STARD7: variants seen among roughly 807,000 people sequenced by gnomAD.
STARD7 encodes StAR related lipid transfer domain containing 7.
STARD7 carries 30 observed loss-of-function variants against 45.3 expected under a neutral mutation model. The observed-to-expected ratio is 0.66, with a 90% CI of 0.50 to 0.90. The LOEUF is 0.90. Ranked by LOEUF, STARD7 falls within the 40% of genes least tolerant of loss-of-function variation. STARD7 has a pLI of 0.00. For missense variants in STARD7, 495 were observed against 491.3 expected, an observed-to-expected ratio of 1.01 and a Z score of -0.07; for synonymous variants, 199 against 183.0, an observed-to-expected ratio of 1.09 and a Z score of -0.70.
At chr2:96,197,070 A>C (rs183533151) in intron 1 of STARD7, among the ~76,000 whole-genome samples, 1,917 of 95,654 alleles carry the variant, frequency 0.02, 84 homozygotes, top group East Asian at 0.13. Context: ...CCGTCTCAAA[A>C]TAAAATAAAA....
At chr2:96,192,579 C>A (rs1683141620) in intron 5 of STARD7, 111 bp from the exon 6 acceptor site, 1 of 798,226 alleles carries the variant, frequency 1.3e-6, no homozygotes. Flanking sequence ...TTTTTAAATA[C>A]ACAAAACAAA....
intron 1 of STARD7, among the ~76,000 whole-genome samples, chr2:96,202,768 CATA>C (rs1225157305): frequency 1.3e-5 from 2 of 152,204 alleles, no homozygotes; most frequent in Non-Finnish European, 2.9e-5. Flanking sequence ...ATTCTTGCCA[CATA>C]ATAAAGGGGA....
intron 2 of STARD7, 113 bp downstream of exon 2, chr2:96,195,228 A>T: frequency 9.6e-7 from 1 of 1,038,336 alleles, no homozygotes; most frequent in Non-Finnish European, 1.4e-6. Context: ...TAAACAAAAA[A>T]CTACGGCAAA....
In STARD7 at chr2:96,208,169, C is replaced by G; in HGVS notation, c.266G>C (p.Arg89Thr). Reference protein sequence around the residue: ...LAGVFVWDEERIQEEELQRSI... With the variant: ...LAGVFVWDEETIQEEELQRSI... ...CCTCTGCAACTCCTCCTCCTGGATC[C>G]TCTCCTCGTCCCAAACGAAGACGCC... is the stretch of plus-strand genomic sequence containing the variant. Residue 89 changes from arginine (R) to threonine (T), a missense_variant, in exon 1 of 8, where the codon AGG becomes ACG. This residue lies in a region of STARD7 where 282 missense variants were observed against 220.1 expected (regional missense o/e 1.28). Transcript: ENST00000337288. 3 of 1,598,798 alleles carry G rather than the reference C, an allele frequency of 1.9e-6. No homozygotes were observed. Among genetic ancestry groups the G allele is most frequent in the South Asian group, 1.1e-5 (1 of 89,090 alleles).
chr2:96,208,399 C>T lies in STARD7; in HGVS notation c.36G>A (p.Ala12=). ...CCAGCAGGCCCCCGCCCCGCGTCCC[C>T]GCCAGCCAGGCGGCCAGCAGCCTCC... The part of the protein sequence containing the change: ...LPRRLLAAWL[A]GTRGGGLLAL... Residue 12 remains alanine, a synonymous_variant, in exon 1 of 8, where the codon GCG becomes GCA. Coordinates refer to ENST00000337288, the MANE Select transcript of STARD7 (RefSeq NM_020151.4). The T allele has an allele frequency of 1.4e-6, 2 of 1,450,318 alleles. No individual in the cohort carries two copies. The highest frequency in any genetic ancestry group is 2.8e-5 in the South Asian group (2 of 72,700). 89.8% of individuals were successfully genotyped at this position (1,450,318 alleles called of 1,614,324 possible).
At chr2:96,196,644 G>T (rs1250401290) in intron 1 of STARD7, among the ~76,000 whole-genome samples, 1 of 152,002 alleles carries the variant, frequency 6.6e-6, no homozygotes, top group Non-Finnish European at 1.5e-5. Flanking sequence ...TGTATTTTTA[G>T]CAGAGACAGG....
chr2:96,196,040 G>T (rs1346175144), intron 1 of STARD7, among the ~76,000 whole-genome samples: 1 of 150,772 alleles, frequency 6.6e-6, no homozygotes, highest in Non-Finnish European at 1.5e-5. Context: ...TTGAACCTGG[G>T]AGGCAGAGGT....
At chr2:96,188,907 AAAAC>A (rs1683080199) in intron 6 of STARD7, among the ~76,000 whole-genome samples, 1 of 147,500 alleles carries the variant, frequency 6.8e-6, no homozygotes, top group Non-Finnish European at 1.5e-5. Context: ...AAAACAAAAC[AAAAC>A]AAACAAAAAC....
chr2:96,195,323 T>C lies in STARD7; in HGVS notation c.499+18A>G, dbSNP rs775625978. ...CTGTGCAACTATGGAACCCAAAAGA[T>C]AGCCACACTGGGCTCACCTCGGTAC... On this transcript the variant is annotated intron_variant, in intron 2 of 7. Coordinates refer to ENST00000337288, the MANE Select transcript of STARD7 (RefSeq NM_020151.4). The C allele has an allele frequency of 7.7e-6, 12 of 1,551,040 alleles. No individual in the cohort carries two copies. The Admixed American group carries it at 2.1e-4, about 28-fold the overall frequency.
chr2:96,197,951 T>C (rs1683250870), intron 1 of STARD7, among the ~76,000 whole-genome samples: 1 of 152,210 alleles, frequency 6.6e-6, no homozygotes, highest in African/African-American at 2.4e-5. Flanking sequence ...ATTTTGTTTA[T>C]CCATTCATCA....
Position 96,208,257 on chromosome 2 carries a change from G to A in STARD7, c.178C>T (p.Arg60Cys). 2.5e-6 allele frequency: 4 copies of A among 1,612,078 alleles called. No homozygotes were observed. The highest frequency in any genetic ancestry group is 3.4e-6 in the Non-Finnish European group (4 of 1,179,500). Residue 60 changes from arginine (R) to cysteine (C), a missense_variant, in exon 1 of 8, where the codon CGC becomes TGC. Coordinates refer to ENST00000337288, the MANE Select transcript of STARD7 (RefSeq NM_020151.4). ...CGGCCGTGCAGCCGGCGCCAGAGGC[G>A]GCCGAGGAGAACGCGGCGTGAGCTC... is the stretch of plus-strand genomic sequence containing the variant. ...SESSRRVLLG[R>C]LWRRLHGRPG...
At chr2:96,193,917 C>T (rs923455562) in intron 3 of STARD7, among the ~76,000 whole-genome samples, 2 of 152,160 alleles carry the variant, frequency 1.3e-5, no homozygotes, top group African/African-American at 4.8e-5. Context: ...AAGTAGTTAT[C>T]GGAAGTCAGC....
In STARD7 at chr2:96,185,868, A is replaced by C. The variant is rs2104163296; in HGVS notation, c.*862T>G. 1.3e-5 allele frequency: 2 copies of C among 152,350 alleles called. No individual in the cohort carries two copies. Among genetic ancestry groups the C allele is most frequent in the South Asian group, 4.1e-4 (2 of 4,832 alleles). The allele number at this position is 152,350 out of a possible 1,614,324, so 9.4% of individuals were successfully genotyped here. ...CTCCTATTTGACACAAAAGTTAAAA[A>C]ATTTTTAAACTAAATTTAAATGTGA... is the stretch of plus-strand genomic sequence containing the variant. On this transcript the variant is annotated 3_prime_UTR_variant, in exon 8 of 8. Transcript: ENST00000337288.
At chr2:96,204,568 AG>A (rs1233714726) in intron 1 of STARD7, among the ~76,000 whole-genome samples, 4 of 150,178 alleles carry the variant, frequency 2.7e-5, no homozygotes, top group African/African-American at 9.7e-5. Context: ...AGGGGGCGGG[AG>A]GGAAGGGGAG....
Position 96,186,917 on chromosome 2 carries a change from G to T in STARD7, c.929-3C>A. 2 of 1,610,980 alleles carry T rather than the reference G, an allele frequency of 1.2e-6. No homozygotes were observed. Among genetic ancestry groups the T allele is most frequent in the Non-Finnish European group, 1.7e-6 (2 of 1,178,334 alleles). On this transcript the variant is annotated splice_polypyrimidine_tract_variant and splice_region_variant and intron_variant, in intron 7 of 7. Transcript: ENST00000337288. ...CTTCTCCAGGAAATCTGGCATGCCTGTCAGGAGACGAGAATCAGGTTAAGC... is the reference window on the plus strand; with the variant it reads ...CTTCTCCAGGAAATCTGGCATGCCTTTCAGGAGACGAGAATCAGGTTAAGC...
chr2:96,208,818 C>G lies in STARD7; in HGVS notation c.-384G>C. The stretch of plus-strand genomic sequence containing the variant: ...AGCACGCAAGCTCCCGCGCCTTCCG[C>G]GACTGCCACACGCGCGGCGCGCGCG... On this transcript the variant is annotated 5_prime_UTR_variant, in exon 1 of 8. Coordinates refer to ENST00000337288, the MANE Select transcript of STARD7 (RefSeq NM_020151.4). 2.5e-6 allele frequency: 1 copy of G among 402,070 alleles called. No homozygotes were observed. Among genetic ancestry groups the G allele is most frequent in the Non-Finnish European group, 4.4e-6 (1 of 226,630 alleles). The allele number at this position is 402,070 out of a possible 1,614,324, so 24.9% of individuals were successfully genotyped here. A position where few individuals can be genotyped will look rare whatever the true frequency, so the allele number is the denominator to read the frequency against.
chr2:96,193,115 C>A lies in STARD7; in HGVS notation c.706G>T (p.Val236Leu). ...ACCATCATGTTGTTTTCCTGATCCA[C>A]ACTATACCGCCGAACATAAACATAA... Reference protein sequence around the residue: ...RDYVYVRRYSVDQENNMMVLV... With the variant: ...RDYVYVRRYSLDQENNMMVLV... Residue 236 changes from valine to leucine, a missense_variant, in exon 5 of 8, where the codon GTG becomes TTG. Around this residue, in one of 2 missense-constraint regions of STARD7, gnomAD observed 213 missense variants for 271.2 expected, o/e 0.79. Transcript: ENST00000337288. The A allele has an allele frequency of 1.2e-6, 2 of 1,613,850 alleles. No homozygotes were observed. Among genetic ancestry groups the A allele is most frequent in the Non-Finnish European group, 1.7e-6 (2 of 1,179,770 alleles).
At position 96,208,185 on chromosome 2, in the gene STARD7, C is replaced by A. The variant is rs992193468; in HGVS notation, c.250G>T (p.Val84Phe). Residue 84 changes from valine to phenylalanine, a missense_variant, in exon 1 of 8, where the codon GTT becomes TTT. Physicochemically the swap from Val to Phe is conservative, Grantham distance 50 (BLOSUM62 -1). Around this residue, in one of 2 missense-constraint regions of STARD7, gnomAD observed 282 missense variants for 220.1 expected, o/e 1.28. Transcript: ENST00000337288. The part of the protein sequence containing the change: ...ALMAALAGVF[V>F]WDEERIQEEE... ...TCCTGGATCCTCTCCTCGTCCCAAA[C>A]GAAGACGCCGGCTAACGCCGCCATC... 1.9e-6 allele frequency: 3 copies of A among 1,603,492 alleles called. No individual in the cohort carries two copies. The highest frequency in any genetic ancestry group is 1.4e-5 in the African/African-American group (1 of 73,980).
chr2:96,208,084 G>A, intron 1 of STARD7, 61 bp downstream of exon 1: 1 of 1,450,468 alleles, frequency 6.9e-7, no homozygotes. Flanking sequence ...CACAGGGCAG[G>A]CCCCAGGGTT....
Sources: allele counts gnomAD v4.1 joint callset (sites outside exome capture counted in the v4.1 genomes callset), GRCh38; gene constraint gnomAD v4.1.1; regional missense constraint gnomAD v4.1.1; transcripts MANE v1.5; gene names NCBI Gene and HGNC (gene_info 2026-07-23, HGNC 2026-07-21).